Variants in SCAP observed in about 807,000 individuals in gnomAD.
SCAP encodes the protein SREBF chaperone, also known as sterol regulatory element-binding protein cleavage-activating protein.
SCAP carries 65 observed loss-of-function variants against 123.6 expected under a neutral mutation model. The ratio of observed to expected loss-of-function variants is 0.53; its 90% CI spans 0.43 to 0.65. The LOEUF is 0.65. Among genes scored for constraint, SCAP ranks in the 30% least tolerant of loss-of-function variants. The pLI is 0.00. For missense variants in SCAP, 1,398 were observed against 1,712.5 expected (o/e 0.82, Z 3.24); for synonymous variants, 740 against 726.3 (o/e 1.02, Z -0.30).
At chr3:47,472,204 C>A (rs1041630337) in intron 1 of SCAP, among the ~76,000 whole-genome samples, 1 of 151,932 alleles carries the variant, frequency 6.6e-6, no homozygotes, top group Non-Finnish European at 1.5e-5. Flanking sequence ...GAGGCCGAGG[C>A]GAGTGGATCA....
At chr3:47,427,368 AT>A in intron 5 of SCAP, 78 bp downstream of exon 5, 1 of 1,561,666 alleles carries the variant, frequency 6.4e-7, no homozygotes, top group Non-Finnish European at 8.8e-7. Context: ...GTAAACCCTG[AT>A]CTGCCTAAGC....
chr3:47,435,612 C>T (rs1706548528), intron 2 of SCAP, among the ~76,000 whole-genome samples: 2 of 151,880 alleles, frequency 1.3e-5, no homozygotes, highest in Admixed American at 1.3e-4. Context: ...CTTAAAACTC[C>T]TGACCTCAGG....
rs1705783434 is a variant in SCAP at position 47,419,257 on chromosome 3, C to T, written c.1940+71G>A. 1 of 1,527,280 alleles carries T rather than the reference C, an allele frequency of 6.5e-7. No individual in the cohort carries two copies. The highest frequency in any genetic ancestry group is 1.4e-5 in the African/African-American group (1 of 72,446). The allele number at this position is 1,527,280 out of a possible 1,614,324, so 94.6% of individuals were successfully genotyped here. A position where few individuals can be genotyped will look rare whatever the true frequency, so the allele number is the denominator to read the frequency against. On this transcript the variant is annotated intron_variant, in intron 13 of 22. Coordinates refer to ENST00000265565, the MANE Select transcript of SCAP (RefSeq NM_012235.4). The surrounding 1 kb of genome is among the most constrained non-coding windows in gnomAD (Gnocchi z 5.0). Reference sequence around the variant, plus strand: ...TTGCATAATTCAAACCTGTGGGCCTCCTGCATTGGGGAAAGGGGATGGTGA... The same window carrying T: ...TTGCATAATTCAAACCTGTGGGCCTTCTGCATTGGGGAAAGGGGATGGTGA...
Position 47,420,849 on chromosome 3 carries a change from G to T in SCAP, c.1345-77C>A. On this transcript the variant is annotated intron_variant, in intron 11 of 22. Transcript: ENST00000265565. This position sits in a 1 kb window ranked among gnomAD's most constrained non-coding sequence, Gnocchi z 5.0. ...GCACAGGACCGCTGTCCTGCCCGAGGTCTACACCCTTCTCACCCAGGACTC... is the reference window on the plus strand; with the variant it reads ...GCACAGGACCGCTGTCCTGCCCGAGTTCTACACCCTTCTCACCCAGGACTC... 6 of 1,448,532 alleles carry T rather than the reference G, an allele frequency of 4.1e-6. No individual in the cohort carries two copies. The highest frequency in any genetic ancestry group is 5.5e-6 in the Non-Finnish European group (6 of 1,083,202). The allele number at this position is 1,448,532 out of a possible 1,614,324, so 89.7% of individuals were successfully genotyped here.
At chr3:47,466,858 C>T (rs141274204) in intron 1 of SCAP, among the ~76,000 whole-genome samples, 9 of 152,030 alleles carry the variant, frequency 5.9e-5, no homozygotes, top group Non-Finnish European at 1.0e-4. Flanking sequence ...CCAAGGCAAG[C>T]GGACTGCTTG....
chr3:47,465,754 G>A (rs1404444823), intron 1 of SCAP, among the ~76,000 whole-genome samples: 7 of 149,398 alleles, frequency 4.7e-5, no homozygotes, highest in African/African-American at 1.7e-4. Flanking sequence ...AGGTGACAGA[G>A]CAAGACTCCG....
chr3:47,425,383 G>A (rs1706079866), intron 8 of SCAP, 102 bp downstream of exon 8: 15 of 1,264,204 alleles, frequency 1.2e-5, no homozygotes, highest in East Asian at 7.3e-5. Context: ...ATGTGAAGAC[G>A]TGAGGTCACA....
chr3:47,472,353 A>G (rs865775798), intron 1 of SCAP, among the ~76,000 whole-genome samples: 3 of 150,782 alleles, frequency 2.0e-5, no homozygotes, highest in Non-Finnish European at 3.0e-5. Context: ...AGAATGGCGT[A>G]AACCCGGGAA....
intron 1 of SCAP, among the ~76,000 whole-genome samples, chr3:47,472,078 A>T (rs191144389): frequency 6.6e-6 from 1 of 151,134 alleles, no homozygotes; most frequent in East Asian, 2.0e-4. Flanking sequence ...CCAAGATAGC[A>T]TCAATGCACT....
At chr3:47,467,583 G>A (rs1707870590) in intron 1 of SCAP, among the ~76,000 whole-genome samples, 1 of 150,688 alleles carries the variant, frequency 6.6e-6, no homozygotes, top group South Asian at 2.1e-4. Flanking sequence ...CTGGGCAACA[G>A]AGCAAGAAGA....
At position 47,414,808 on chromosome 3, in the gene SCAP, GAGACA is replaced by G; in HGVS notation, c.3306+14_3306+18del. On this transcript the variant is annotated intron_variant, in intron 20 of 22. Transcript: ENST00000265565. ...CGTGCCGGGCCACTCCAGCACCCAA[GAGACA>G]AGACAATACTCACTCTCAGTGTGTG... 1.9e-6 allele frequency: 3 copies of G among 1,599,624 alleles called. No individual in the cohort carries two copies. The highest frequency in any genetic ancestry group is 4.5e-5 in the East Asian group (2 of 44,768).
rs755826250 is a variant in SCAP at position 47,425,646 on chromosome 3, TC to T, written c.911-36del. 3.1e-6 allele frequency: 5 copies of T among 1,607,416 alleles called. No homozygotes were observed. The South Asian group carries it at 4.4e-5, about 14-fold the overall frequency. ...AGAGAGGGCGTATCAGGGCGGCCCC[TC>T]CCCCAGCCCCCGGCCCACTGGGGCT... is the stretch of plus-strand genomic sequence containing the variant. On this transcript the variant is annotated intron_variant, in intron 7 of 22. Transcript: ENST00000265565.
At chr3:47,466,709 A>T (rs1707841818) in intron 1 of SCAP, among the ~76,000 whole-genome samples, 1 of 152,194 alleles carries the variant, frequency 6.6e-6, no homozygotes, top group African/African-American at 2.4e-5. Context: ...TAAGAAAAAG[A>T]TCTTCATGAT....
At chr3:47,423,094 AGC>A (rs1420680948) in intron 9 of SCAP, among the ~76,000 whole-genome samples, 1 of 152,202 alleles carries the variant, frequency 6.6e-6, no homozygotes, top group Non-Finnish European at 1.5e-5. Flanking sequence ...CTCCATATCC[AGC>A]ACAGGGCCTG....
At chr3:47,434,822 A>G in intron 3 of SCAP, 186 bp downstream of exon 3, 1 of 629,884 alleles carries the variant, frequency 1.6e-6, no homozygotes. Flanking sequence ...GGACAACAGG[A>G]GCAAAACTCC....
chr3:47,418,926 C>T, intron 13 of SCAP, 83 bp from the exon 14 acceptor site: 1 of 1,366,166 alleles, frequency 7.3e-7, no homozygotes, highest in South Asian at 1.5e-5. Flanking sequence ...CCTCTCCCTC[C>T]TCCCCAGGCA....
intron 1 of SCAP, among the ~76,000 whole-genome samples, chr3:47,443,539 C>T (rs17080872): frequency 0.15 from 22,818 of 151,930 alleles, 2,564 homozygotes; most frequent in East Asian, 0.48. Flanking sequence ...TAGGGATGGC[C>T]TCCTCAAAAC....
chr3:47,432,071 T>A (rs971118674), intron 3 of SCAP, among the ~76,000 whole-genome samples: 2 of 152,102 alleles, frequency 1.3e-5, no homozygotes, highest in Non-Finnish European at 2.9e-5. Context: ...TCCCAGCACT[T>A]TGGGAGGCCG....
intron 1 of SCAP, among the ~76,000 whole-genome samples, chr3:47,474,268 A>C (rs1315975229): frequency 6.6e-6 from 1 of 151,596 alleles, no homozygotes; most frequent in Non-Finnish European, 1.5e-5. Context: ...CCATCTCAAA[A>C]AAAAAAAGAA....
Sources: gnomAD v4.1 joint callset for allele counts (sites outside exome capture counted in the v4.1 genomes callset) on GRCh38, gnomAD v4.1.1 for gene constraint, Gnocchi (gnomAD v3.1) non-coding constraint, MANE v1.5 for transcripts, NCBI Gene and HGNC (gene_info 2026-07-23, HGNC 2026-07-21) for gene names.